Variants in CA10 observed in about 807,000 individuals in gnomAD.
CA10 encodes the protein carbonic anhydrase 10 (inactive).
CA10 carries 14 observed loss-of-function variants against 44.2 expected under a neutral mutation model. The ratio of observed to expected loss-of-function variants is 0.32; its 90% CI spans 0.21 to 0.50. The LOEUF is 0.50. Ranked by LOEUF, CA10 falls within the 20% of genes least tolerant of loss-of-function variation. The pLI is 0.99. For missense variants in CA10, 350 were observed against 409.7 expected (o/e 0.85, Z 1.26); for synonymous variants, 159 against 141.6 (o/e 1.12, Z -0.87).
chr17:51,652,226 A>C (rs2143279727), intron 5 of CA10, among the ~76,000 whole-genome samples: 1 of 152,306 alleles, frequency 6.6e-6, no homozygotes, highest in East Asian at 1.9e-4. Context: ...GAATAATTTT[A>C]CTCATCTGTA....
intron 1 of CA10, among the ~76,000 whole-genome samples, chr17:52,112,238 C>A (rs1988802636): frequency 6.6e-6 from 1 of 151,820 alleles, no homozygotes; most frequent in Non-Finnish European, 1.5e-5. Context: ...AAAAAGTTCT[C>A]TCTCACATGT....
At chr17:52,039,247 G>A (rs781092909) in intron 2 of CA10, among the ~76,000 whole-genome samples, 1 of 152,040 alleles carries the variant, frequency 6.6e-6, no homozygotes, top group Non-Finnish European at 1.5e-5. Flanking sequence ...AATCCAGGAT[G>A]AGTAACTTTT....
chr17:52,094,443 G>C (rs1335701094), intron 1 of CA10, among the ~76,000 whole-genome samples: 1 of 152,008 alleles, frequency 6.6e-6, no homozygotes, highest in Non-Finnish European at 1.5e-5. Context: ...AGGACACTAG[G>C]GGAAACAATT....
At chr17:51,950,455 AAG>A (rs1983438960) in intron 2 of CA10, among the ~76,000 whole-genome samples, 1 of 152,090 alleles carries the variant, frequency 6.6e-6, no homozygotes, top group Admixed American at 6.5e-5. Flanking sequence ...GGAGGGTGAG[AAG>A]AGAGATGCCT....
intron 2 of CA10, among the ~76,000 whole-genome samples, chr17:51,947,900 C>T (rs1055236067): frequency 2.6e-5 from 4 of 152,064 alleles, no homozygotes; most frequent in African/African-American, 4.8e-5. Context: ...TGAAACATGC[C>T]TATCCTAGAG....
intron 3 of CA10, among the ~76,000 whole-genome samples, chr17:51,856,548 T>C (rs1006072396): frequency 6.6e-6 from 1 of 152,018 alleles, no homozygotes; most frequent in Non-Finnish European, 1.5e-5. Flanking sequence ...TACAGAGCAG[T>C]GACAGGAGTA....
At chr17:52,111,317 C>T (rs1988785349) in intron 1 of CA10, among the ~76,000 whole-genome samples, 1 of 152,220 alleles carries the variant, frequency 6.6e-6, no homozygotes, top group South Asian at 2.1e-4. Flanking sequence ...GCAGATTATA[C>T]TTGTAAGTGC....
intron 3 of CA10, among the ~76,000 whole-genome samples, chr17:51,927,654 T>C (rs1982486061): frequency 6.6e-6 from 1 of 152,176 alleles, no homozygotes; most frequent in Non-Finnish European, 1.5e-5. Flanking sequence ...CTGCGTACAC[T>C]CACTTTGGTC....
intron 2 of CA10, among the ~76,000 whole-genome samples, chr17:51,986,960 A>C (rs1038176753): frequency 6.6e-6 from 1 of 152,130 alleles, no homozygotes; most frequent in African/African-American, 2.4e-5. Context: ...TTCCTTAAAG[A>C]ACTAAAAATA....
chr17:51,729,801 TGAG>T (rs889260677), intron 4 of CA10, among the ~76,000 whole-genome samples: 7 of 152,224 alleles, frequency 4.6e-5, no homozygotes, highest in Non-Finnish European at 8.8e-5. Context: ...ATGTGGATAT[TGAG>T]GTTGCATTTC....
intron 3 of CA10, among the ~76,000 whole-genome samples, chr17:51,878,300 G>A (rs1309437294): frequency 6.6e-6 from 1 of 151,960 alleles, no homozygotes; most frequent in Admixed American, 6.6e-5. Flanking sequence ...ATTTTTTAAA[G>A]TTCTCCATAT....
Position 51,906,413 on chromosome 17 carries a change from T to C in CA10, c.279+24577A>G, listed in dbSNP as rs141007453. The stretch of plus-strand genomic sequence containing the variant: ...CTTTTATGGCACCACACTTTCTGGA[T>C]GTCCCTCCTTTCTCACCGGATGTGC... On this transcript the variant is annotated intron_variant, in intron 3 of 8. Transcript: ENST00000451037. Among the ~76,000 whole-genome samples the C allele has an allele frequency of 1.6e-3, 248 of 152,212 alleles. 2 individuals are homozygous for C. Among genetic ancestry groups the C allele is most frequent in the South Asian group, 5.4e-3 (26 of 4,816 alleles).
At chr17:51,947,093 A>G (rs1598133271) in intron 2 of CA10, among the ~76,000 whole-genome samples, 1 of 152,132 alleles carries the variant, frequency 6.6e-6, no homozygotes, top group African/African-American at 2.4e-5. Flanking sequence ...GAAATGACAG[A>G]CCTTTTTCTA....
chr17:52,108,276 G>A (rs1330182487), intron 1 of CA10, among the ~76,000 whole-genome samples: 6 of 147,100 alleles, frequency 4.1e-5, no homozygotes, highest in Middle Eastern at 3.6e-3. Flanking sequence ...TGAATTAACA[G>A]CACTTGCAAT....
intron 1 of CA10, among the ~76,000 whole-genome samples, chr17:52,089,467 T>C (rs561373590): frequency 4.6e-5 from 7 of 152,208 alleles, no homozygotes; most frequent in Non-Finnish European, 8.8e-5. Context: ...ATTTTATATA[T>C]GTATTGACTC....
chr17:52,046,733 GAAAA>G (rs1159273099), intron 2 of CA10, among the ~76,000 whole-genome samples: 1 of 151,356 alleles, frequency 6.6e-6, no homozygotes, highest in Non-Finnish European at 1.5e-5. Flanking sequence ...ACATTATATA[GAAAA>G]AAAACTTTTA....
chr17:51,945,594 C>T (rs969224376), intron 2 of CA10, among the ~76,000 whole-genome samples: 1 of 152,040 alleles, frequency 6.6e-6, no homozygotes, highest in Non-Finnish European at 1.5e-5. Flanking sequence ...GTCAGTTCTA[C>T]CACTTAACAG....
At chr17:51,688,708 A>G (rs945611601) in intron 4 of CA10, among the ~76,000 whole-genome samples, 1 of 152,132 alleles carries the variant, frequency 6.6e-6, no homozygotes, top group African/African-American at 2.4e-5. Flanking sequence ...GCAGAATTAC[A>G]CTTTATTCCA....
At chr17:52,068,232 A>C (rs1987587122) in intron 2 of CA10, among the ~76,000 whole-genome samples, 1 of 152,212 alleles carries the variant, frequency 6.6e-6, no homozygotes, top group Non-Finnish European at 1.5e-5. Context: ...GTAAGTTCTT[A>C]CAAGGTCTGA....
Sources: allele counts gnomAD v4.1 joint callset (sites outside exome capture counted in the v4.1 genomes callset), GRCh38; gene constraint gnomAD v4.1.1; transcripts MANE v1.5; gene names NCBI Gene and HGNC (gene_info 2026-07-23, HGNC 2026-07-21).